The following ESYT2 variants were observed in gnomAD, a reference collection of about 807,000 sequenced individuals.
ESYT2 encodes extended synaptotagmin 2.
In ESYT2, 54 loss-of-function variants were observed where a neutral mutation model predicts 107.2. That is an observed-to-expected ratio of 0.50 (90% CI 0.40 to 0.63). ESYT2 has a LOEUF of 0.63. Ranked by LOEUF, ESYT2 falls within the 30% of genes least tolerant of loss-of-function variation. The probability of loss-of-function intolerance (pLI) is 0.00; values close to 1 mark genes in which losing one functional copy is unlikely to be tolerated. For synonymous variants in ESYT2, 491 were observed against 434.1 expected, an observed-to-expected ratio of 1.13 and a Z score of -1.63; for missense variants, 1,020 against 1,094.5, an observed-to-expected ratio of 0.93 and a Z score of 0.96.
intron 7 of ESYT2, among the ~76,000 whole-genome samples, chr7:158,769,031 C>T (rs571741859): frequency 1.4e-4 from 22 of 152,120 alleles, no homozygotes; most frequent in Admixed American, 2.0e-4. Flanking sequence ...CTTTGCTTCT[C>T]GCCCGTAATG....
intron 13 of ESYT2, among the ~76,000 whole-genome samples, chr7:158,758,152 TAAAC>T (rs1837832316): frequency 6.6e-6 from 1 of 152,200 alleles, no homozygotes; most frequent in Admixed American, 6.5e-5. Context: ...TTCATTGAAA[TAAAC>T]AGTGCAATTA....
At chr7:158,816,946 T>G (rs1386082198) in intron 1 of ESYT2, among the ~76,000 whole-genome samples, 1 of 152,236 alleles carries the variant, frequency 6.6e-6, no homozygotes, top group African/African-American at 2.4e-5. Flanking sequence ...AGGTACGCAC[T>G]TACTAGCCAT....
chr7:158,782,660 GAAC>G (rs1380266967), intron 6 of ESYT2, among the ~76,000 whole-genome samples: 38 of 152,020 alleles, frequency 2.5e-4, no homozygotes, highest in Non-Finnish European at 4.7e-4. Context: ...AAGTATTAAA[GAAC>G]AAGTGTGAGA....
At chr7:158,779,763 C>T (rs773299888) in intron 6 of ESYT2, among the ~76,000 whole-genome samples, 5 of 152,196 alleles carry the variant, frequency 3.3e-5, no homozygotes, top group Non-Finnish European at 4.4e-5. Context: ...AGTCTCTCTA[C>T]GTGGAATGAC....
chr7:158,767,519 G>C, intron 8 of ESYT2, 135 bp downstream of exon 8: 1 of 1,135,596 alleles, frequency 8.8e-7, no homozygotes, highest in Non-Finnish European at 1.2e-6. Flanking sequence ...ACAACCAATA[G>C]TCAATGCATC....
At chr7:158,790,937 A>G (rs1839268240) in intron 4 of ESYT2, among the ~76,000 whole-genome samples, 1 of 152,092 alleles carries the variant, frequency 6.6e-6, no homozygotes, top group South Asian at 2.1e-4. Context: ...CAAAATAAAT[A>G]AATGAATTAA....
intron 10 of ESYT2, among the ~76,000 whole-genome samples, chr7:158,762,742 C>T (rs767976022): frequency 1.3e-4 from 20 of 152,222 alleles, no homozygotes; most frequent in Non-Finnish European, 2.4e-4. Context: ...GAACTGTCCA[C>T]TAGAACTCAA....
intron 13 of ESYT2, among the ~76,000 whole-genome samples, chr7:158,754,897 G>C (rs1415756352): frequency 1.3e-5 from 2 of 152,172 alleles, no homozygotes; most frequent in Non-Finnish European, 2.9e-5. Flanking sequence ...GATTAAACAA[G>C]TAGCAACCTG....
At chr7:158,755,126 G>T (rs1837709118) in intron 13 of ESYT2, among the ~76,000 whole-genome samples, 1 of 152,188 alleles carries the variant, frequency 6.6e-6, no homozygotes, top group South Asian at 2.1e-4. Flanking sequence ...TCCTAAGTTT[G>T]CAGATGGGGA....
At chr7:158,765,752 C>T (rs534551419) in intron 8 of ESYT2, among the ~76,000 whole-genome samples, 4 of 151,434 alleles carry the variant, frequency 2.6e-5, no homozygotes, top group South Asian at 2.1e-4. Context: ...AATAAATAAA[C>T]GAACAAAAAA....
Position 158,788,369 on chromosome 7 carries a change from A to G in ESYT2, c.633T>C (p.Cys211=). The change falls in exon 5 of 23, where the codon TGT becomes TGC. Residue 211 remains cysteine (C), a synonymous_variant. Transcript: ENST00000275418. ...EIDLEIKRYF[C]RAGVKSIQIH... ...CCTGGATACTTTTCACACCAGCTCT[A>G]CAAAAATATCGTTTGATCTCCAAAT... The G allele has an allele frequency of 6.2e-7, 1 of 1,611,454 alleles. No homozygotes were observed. Among genetic ancestry groups the G allele is most frequent in the Non-Finnish European group, 8.5e-7 (1 of 1,179,362 alleles).
intron 1 of ESYT2, 64 bp downstream of exon 1, chr7:158,829,025 G>C (rs1209639551): frequency 6.5e-7 from 1 of 1,539,460 alleles, no homozygotes; most frequent in African/African-American, 1.4e-5. Flanking sequence ...GGGAGTGCCT[G>C]CCTGGACGAG....
rs138185207 is a variant in ESYT2, at chr7:158,769,982, T to G, written c.804-2208A>C. ...TTCTGTTGCCCAGGCTGGAGTGCTA[T>G]GGCATGATCCTGGCTCACTGCAACC... On this transcript the variant is annotated intron_variant, in intron 7 of 22. Coordinates refer to ENST00000275418, the MANE Select transcript of ESYT2 (RefSeq NM_001367773.1). Among the ~76,000 whole-genome samples the G allele has an allele frequency of 2.2e-3, 329 of 152,218 alleles. 4 individuals carry two copies. In the South Asian group the frequency reaches 0.022, roughly 10 times the overall value.
chr7:158,759,953 G>T (rs1205355131), intron 12 of ESYT2, 105 bp downstream of exon 12: 3 of 951,580 alleles, frequency 3.2e-6, no homozygotes, highest in African/African-American at 1.6e-5. Flanking sequence ...GAAAATTACT[G>T]CTATAATTGT....
Position 158,733,707 on chromosome 7 carries a change from CA to C in ESYT2, c.*499del, listed in dbSNP as rs1451977984. 2 of 152,396 alleles carry C rather than the reference CA, an allele frequency of 1.3e-5. No individual in the cohort carries two copies. Among genetic ancestry groups the C allele is most frequent in the African/African-American group, 4.8e-5 (2 of 41,412 alleles). 9.4% of individuals were successfully genotyped at this position (152,396 alleles called of 1,614,324 possible). A position where few individuals can be genotyped will look rare whatever the true frequency, so the allele number is the denominator to read the frequency against. On this transcript the variant is annotated 3_prime_UTR_variant, in exon 23 of 23. Transcript: ENST00000275418. ...CTTTTCTTTTCAAAAAGAAACACCACAAAATAGGTCACTGAGAACTTTTTGC... is the reference window on the plus strand; with the variant it reads ...CTTTTCTTTTCAAAAAGAAACACCACAAATAGGTCACTGAGAACTTTTTGC...
At chr7:158,757,057 G>A (rs1286654182) in intron 13 of ESYT2, among the ~76,000 whole-genome samples, 1 of 151,956 alleles carries the variant, frequency 6.6e-6, no homozygotes, top group East Asian at 1.9e-4. Flanking sequence ...CTCCTCAGGA[G>A]AGGTTTTTTT....
intron 7 of ESYT2, among the ~76,000 whole-genome samples, chr7:158,770,187 A>G (rs1838306622): frequency 6.6e-6 from 1 of 151,874 alleles, no homozygotes; most frequent in Non-Finnish European, 1.5e-5. Context: ...CACCGCGTTC[A>G]GCCTCATAGT....
rs146404845 is a variant in ESYT2 at position 158,771,099 on chromosome 7, A to G, written c.803+2242T>C. Among the ~76,000 whole-genome samples, 191 of 152,376 alleles carry G rather than the reference A, an allele frequency of 1.3e-3. 1 individual carries two copies. Among genetic ancestry groups the G allele is most frequent in the African/African-American group, 4.5e-3 (187 of 41,594 alleles). ...TACATGTATATTTATCTCTGTATTT[A>G]CGTGTGTATGTGTGAATGACTTTTA... On this transcript the variant is annotated intron_variant, in intron 7 of 22. Coordinates refer to ENST00000275418, the MANE Select transcript of ESYT2 (RefSeq NM_001367773.1).
chr7:158,821,121 T>C (rs546804463), intron 1 of ESYT2, among the ~76,000 whole-genome samples: 4 of 152,116 alleles, frequency 2.6e-5, no homozygotes, highest in African/African-American at 9.6e-5. Flanking sequence ...GAAAAATAAA[T>C]GAAGAAAAGA....
Sources: gnomAD v4.1 joint callset for allele counts (sites outside exome capture counted in the v4.1 genomes callset) on GRCh38, gnomAD v4.1.1 for gene constraint, MANE v1.5 for transcripts, NCBI Gene and HGNC (gene_info 2026-07-23, HGNC 2026-07-21) for gene names.